The following ADIPOR2 variants were observed in gnomAD, a reference collection of about 807,000 sequenced individuals.
The protein encoded by ADIPOR2 is adiponectin receptor 2.
Under a neutral mutation model 40.9 loss-of-function variants are expected in ADIPOR2, and 18 were observed. The observed-to-expected ratio is 0.44, with a 90% CI of 0.30 to 0.65. The LOEUF (loss-of-function observed/expected upper bound fraction) is 0.65. ADIPOR2 is among the 30% of genes least tolerant of loss of function. The probability of loss-of-function intolerance (pLI) is 0.09; values close to 1 mark genes in which losing one functional copy is unlikely to be tolerated. For synonymous variants in ADIPOR2, 165 were observed against 166.4 expected (o/e 0.99, Z 0.06); for missense variants, 283 against 479.2 (o/e 0.59, Z 3.82).
intron 1 of ADIPOR2, among the ~76,000 whole-genome samples, chr12:1,693,232 T>C (rs1193375766): frequency 6.6e-6 from 1 of 152,164 alleles, no homozygotes; most frequent in African/African-American, 2.4e-5. Context: ...GTAGTTTCTT[T>C]TGGGGTACAG....
At chr12:1,742,871 A>G (rs1453399962) in intron 1 of ADIPOR2, among the ~76,000 whole-genome samples, 2 of 152,224 alleles carry the variant, frequency 1.3e-5, no homozygotes, top group Admixed American at 6.5e-5. Context: ...AAAGCAAGGC[A>G]AGTGTGATAG....
intron 1 of ADIPOR2, among the ~76,000 whole-genome samples, chr12:1,732,000 TAA>T (rs71055189): frequency 8.2e-4 from 121 of 148,156 alleles, no homozygotes; most frequent in Admixed American, 9.4e-4. Flanking sequence ...CAAGTTTATT[TAA>T]AAAAAAAAAA....
intron 7 of ADIPOR2, among the ~76,000 whole-genome samples, chr12:1,785,512 A>G (rs1862808918): frequency 6.6e-6 from 1 of 152,268 alleles, no homozygotes. Context: ...CCTCTTGTCC[A>G]TGACAAAATG....
intron 2 of ADIPOR2, among the ~76,000 whole-genome samples, chr12:1,768,307 G>T (rs1350971622): frequency 6.6e-6 from 1 of 152,124 alleles, no homozygotes; most frequent in Non-Finnish European, 1.5e-5. Flanking sequence ...AGCTCTAGAT[G>T]AACTAGTCTC....
chr12:1,774,860 ATG>A (rs1862555820), intron 3 of ADIPOR2, among the ~76,000 whole-genome samples: 1 of 151,830 alleles, frequency 6.6e-6, no homozygotes, highest in Non-Finnish European at 1.5e-5. Context: ...ATGTGCCACC[ATG>A]CCCGGCTAAT....
At chr12:1,781,259 G>C (rs893021407) in intron 6 of ADIPOR2, among the ~76,000 whole-genome samples, 183 bp downstream of exon 6, 3 of 152,128 alleles carry the variant, frequency 2.0e-5, no homozygotes, top group African/African-American at 4.8e-5. Context: ...GTTGTTGTTA[G>C]TAGTGTTTAT....
intron 3 of ADIPOR2, among the ~76,000 whole-genome samples, chr12:1,776,952 C>G (rs1592630533): frequency 6.6e-6 from 1 of 152,174 alleles, no homozygotes; most frequent in African/African-American, 2.4e-5. Context: ...GAAGGAGCTG[C>G]AGGTTGGAGG....
chr12:1,707,996 C>T (rs1296431409), intron 1 of ADIPOR2, among the ~76,000 whole-genome samples: 1 of 151,906 alleles, frequency 6.6e-6, no homozygotes, highest in Non-Finnish European at 1.5e-5. Context: ...CTGAGGGTTC[C>T]ACATCCACAG....
At chr12:1,693,711 G>A (rs1401794744) in intron 1 of ADIPOR2, among the ~76,000 whole-genome samples, 1 of 150,814 alleles carries the variant, frequency 6.6e-6, no homozygotes, top group Non-Finnish European at 1.5e-5. Context: ...TTTTTTTTTT[G>A]TATTTTTAGT....
chr12:1,704,602 C>T (rs981322848), intron 1 of ADIPOR2, among the ~76,000 whole-genome samples: 2 of 152,132 alleles, frequency 1.3e-5, no homozygotes, highest in African/African-American at 4.8e-5. Flanking sequence ...ATTTGGTCAT[C>T]CAGCTATTAT....
At chr12:1,757,666 T>C in intron 2 of ADIPOR2, 9 of 1,294,326 alleles carry the variant, frequency 7.0e-6, no homozygotes, top group Non-Finnish European at 1.0e-5. Context: ...TTTGGCCTCC[T>C]CAGGTGTAAT....
intron 1 of ADIPOR2, among the ~76,000 whole-genome samples, chr12:1,708,860 C>T (rs201545656): frequency 2.0e-5 from 3 of 152,016 alleles, no homozygotes; most frequent in African/African-American, 4.8e-5. Context: ...GCTGGGATTA[C>T]AGGTGTGCAC....
chr12:1,782,251 G>A (rs1375568359), intron 6 of ADIPOR2, among the ~76,000 whole-genome samples: 3 of 152,224 alleles, frequency 2.0e-5, no homozygotes. Flanking sequence ...TCTTTTAGAT[G>A]TCCATTTTAT....
chr12:1,758,323 A>G (rs1862191631), intron 2 of ADIPOR2, among the ~76,000 whole-genome samples: 1 of 152,222 alleles, frequency 6.6e-6, no homozygotes, highest in Admixed American at 6.5e-5. Flanking sequence ...TGAACAAAAG[A>G]ACCATTTTTT....
chr12:1,720,737 T>C (rs12810020), intron 1 of ADIPOR2, among the ~76,000 whole-genome samples: 41,387 of 152,108 alleles, frequency 0.27, 6,267 homozygotes, highest in Admixed American at 0.44. Context: ...TAACAGGCTA[T>C]GGAATTGGCT....
intron 3 of ADIPOR2, among the ~76,000 whole-genome samples, chr12:1,776,292 G>A (rs1320261295): frequency 6.6e-6 from 1 of 152,230 alleles, no homozygotes; most frequent in African/African-American, 2.4e-5. Flanking sequence ...AGTAGCTGGT[G>A]AGTAAGTGGC....
chr12:1,784,374 C>T (rs1165104118), intron 7 of ADIPOR2, among the ~76,000 whole-genome samples: 1 of 152,194 alleles, frequency 6.6e-6, no homozygotes, highest in Non-Finnish European at 1.5e-5. Flanking sequence ...GAGACTAAGG[C>T]TTAGGGAGGT....
intron 2 of ADIPOR2, among the ~76,000 whole-genome samples, chr12:1,766,194 G>A (rs1862376772): frequency 6.6e-6 from 1 of 152,144 alleles, no homozygotes; most frequent in Non-Finnish European, 1.5e-5. Context: ...GCTAAGAAAG[G>A]ACTAAAGGAC....
At chr12:1,781,123 G>A in intron 6 of ADIPOR2, 47 bp downstream of exon 6, 1 of 1,471,638 alleles carries the variant, frequency 6.8e-7, no homozygotes, top group South Asian at 1.4e-5. Context: ...TTATTCACTA[G>A]TTAAATTCAC....
Sources: gnomAD v4.1 joint callset for allele counts (sites outside exome capture counted in the v4.1 genomes callset) on GRCh38, gnomAD v4.1.1 for gene constraint, MANE v1.5 for transcripts, NCBI Gene and HGNC (gene_info 2026-07-23, HGNC 2026-07-21) for gene names.